UBE2R2: variants seen among roughly 807,000 people sequenced by gnomAD.
UBE2R2 encodes ubiquitin-conjugating enzyme E2 R2.
Under a neutral mutation model 27.8 loss-of-function variants are expected in UBE2R2, and 1 was observed. The observed-to-expected ratio is 0.04, with a 90% CI of 0.01 to 0.17. UBE2R2 has a LOEUF of 0.17. Ranked by LOEUF, UBE2R2 falls within the 10% of genes least tolerant of loss-of-function variation. The pLI is 1.00. For missense variants in UBE2R2, 100 were observed against 291.0 expected, an observed-to-expected ratio of 0.34 and a Z score of 4.78; for synonymous variants, 106 against 113.3, an observed-to-expected ratio of 0.94 and a Z score of 0.41.
At chr9:33,912,564 C>T (rs1466501659) in intron 4 of UBE2R2, among the ~76,000 whole-genome samples, 1 of 150,810 alleles carries the variant, frequency 6.6e-6, no homozygotes, top group African/African-American at 2.4e-5. Context: ...TTGAATGTTG[C>T]AGTGAGCTGA....
chr9:33,893,390 C>T (rs181093371), intron 2 of UBE2R2, among the ~76,000 whole-genome samples: 2 of 152,128 alleles, frequency 1.3e-5, no homozygotes, highest in African/African-American at 4.8e-5. Flanking sequence ...TAGTATGTAT[C>T]AGTACTTCAT....
chr9:33,857,751 T>A (rs1047890242), intron 1 of UBE2R2, among the ~76,000 whole-genome samples: 8 of 152,356 alleles, frequency 5.3e-5, no homozygotes, highest in African/African-American at 1.9e-4. Context: ...CTGATTAGAC[T>A]GGCATGGTTA....
chr9:33,886,955 C>A lies in UBE2R2; in HGVS notation c.252C>A (p.Pro84=). The A allele has an allele frequency of 6.3e-7, 1 of 1,599,410 alleles. No individual in the cohort carries two copies. Among genetic ancestry groups the A allele is most frequent in the Non-Finnish European group, 8.5e-7 (1 of 1,176,396 alleles). The part of the protein sequence containing the change: ...TFRFLTKMWH[P]NIYENGDVCI... ...GATTCTTGACCAAAATGTGGCACCC[C>A]AACATTTATGAGGTAAGGAGACATC... Residue 84 remains proline (P), a synonymous_variant, in exon 2 of 5, where the codon CCC becomes CCA. Transcript: ENST00000263228.
intron 1 of UBE2R2, among the ~76,000 whole-genome samples, chr9:33,854,093 C>T (rs1163729264): frequency 2.0e-5 from 3 of 152,098 alleles, no homozygotes; most frequent in African/African-American, 7.2e-5. Flanking sequence ...TTCTTTTTAA[C>T]ACGAGTCACT....
chr9:33,887,801 C>T lies in UBE2R2; in HGVS notation c.264+834C>T, dbSNP rs574794067. 6.6e-5 allele frequency among the ~76,000 whole-genome samples: 10 copies of T among 152,226 alleles called. No homozygotes were observed. In the South Asian group the frequency reaches 1.2e-3, roughly 19 times the overall value. Reference sequence around the variant, plus strand: ...AAGCAGTTCTCCTGCTTCAGCCTTCCGAGTAGCTGGGATTACAGGCATGCG... The same window carrying T: ...AAGCAGTTCTCCTGCTTCAGCCTTCTGAGTAGCTGGGATTACAGGCATGCG... On this transcript the variant is annotated intron_variant, in intron 2 of 4. Coordinates refer to ENST00000263228, the MANE Select transcript of UBE2R2 (RefSeq NM_017811.4).
At chr9:33,833,663 T>C (rs534276327) in intron 1 of UBE2R2, among the ~76,000 whole-genome samples, 1 of 152,358 alleles carries the variant, frequency 6.6e-6, no homozygotes, top group Admixed American at 6.5e-5. Flanking sequence ...ATTACCATTT[T>C]AACCATTTTT....
intron 1 of UBE2R2, among the ~76,000 whole-genome samples, chr9:33,822,079 G>C (rs918420437): frequency 2.8e-4 from 41 of 147,172 alleles, no homozygotes; most frequent in African/African-American, 1.1e-3. Flanking sequence ...ACTCAACACT[G>C]ACATATATAT....
chr9:33,859,450 A>G (rs1256053590), intron 1 of UBE2R2, among the ~76,000 whole-genome samples: 1 of 152,186 alleles, frequency 6.6e-6, no homozygotes, highest in Non-Finnish European at 1.5e-5. Flanking sequence ...CTGTTTTAAC[A>G]TAGTAGGTCA....
intron 1 of UBE2R2, among the ~76,000 whole-genome samples, chr9:33,877,869 C>CTCTCCCGCT (rs1554675215): frequency 6.6e-6 from 1 of 151,272 alleles, no homozygotes; most frequent in African/African-American, 2.4e-5. Flanking sequence ...CTCCGTCTTT[C>CTCTCCCGCT]CTCAGCCTCC....
chr9:33,849,450 A>C (rs892161790), intron 1 of UBE2R2, among the ~76,000 whole-genome samples: 1 of 152,128 alleles, frequency 6.6e-6, no homozygotes, highest in African/African-American at 2.4e-5. Flanking sequence ...AGTAATATCA[A>C]ACAACCATTA....
At chr9:33,846,280 C>T (rs531628714) in intron 1 of UBE2R2, among the ~76,000 whole-genome samples, 5 of 152,206 alleles carry the variant, frequency 3.3e-5, no homozygotes, top group Non-Finnish European at 5.9e-5. Flanking sequence ...TAGGTAACAG[C>T]GAAACTCCAT....
chr9:33,850,386 G>A (rs896493823), intron 1 of UBE2R2, among the ~76,000 whole-genome samples: 2 of 152,102 alleles, frequency 1.3e-5, no homozygotes, highest in African/African-American at 2.4e-5. Context: ...GAGACTGGGC[G>A]TGAGGCTGCC....
intron 1 of UBE2R2, among the ~76,000 whole-genome samples, chr9:33,876,865 G>C (rs1456177663): frequency 6.6e-6 from 1 of 151,932 alleles, no homozygotes; most frequent in African/African-American, 2.4e-5. Flanking sequence ...GCAGTGAGCC[G>C]AGATCGTGCC....
chr9:33,863,018 C>A (rs1821276339), intron 1 of UBE2R2, among the ~76,000 whole-genome samples: 1 of 151,908 alleles, frequency 6.6e-6, no homozygotes, highest in African/African-American at 2.4e-5. Context: ...GAAACCACAT[C>A]TCTACTAAAA....
At chr9:33,834,338 A>G (rs545140323) in intron 1 of UBE2R2, among the ~76,000 whole-genome samples, 1 of 151,508 alleles carries the variant, frequency 6.6e-6, no homozygotes, top group East Asian at 2.0e-4. Flanking sequence ...GTAGCTGTAG[A>G]GTAGCTGGAA....
chr9:33,842,886 T>C (rs370274908), intron 1 of UBE2R2, among the ~76,000 whole-genome samples: 20 of 151,930 alleles, frequency 1.3e-4, no homozygotes, highest in African/African-American at 4.8e-4. Flanking sequence ...TCAGGAAATA[T>C]ATTCTAGCCA....
chr9:33,822,731 T>A (rs1262803560), intron 1 of UBE2R2, among the ~76,000 whole-genome samples: 1 of 127,242 alleles, frequency 7.9e-6, no homozygotes, highest in Non-Finnish European at 1.9e-5. Flanking sequence ...AGCCAAATAA[T>A]TTTTTTTTTA....
chr9:33,861,583 C>A (rs929604329), intron 1 of UBE2R2, among the ~76,000 whole-genome samples: 3 of 151,262 alleles, frequency 2.0e-5, no homozygotes, highest in Non-Finnish European at 2.9e-5. Flanking sequence ...CAGAGTGAGA[C>A]CCTGTCTCAA....
At chr9:33,828,157 C>G (rs1488078156) in intron 1 of UBE2R2, among the ~76,000 whole-genome samples, 1 of 151,372 alleles carries the variant, frequency 6.6e-6, no homozygotes, top group Non-Finnish European at 1.5e-5. Flanking sequence ...ACAAAATTAG[C>G]TGGTTGTGGT....
Sources: gnomAD v4.1 joint callset for allele counts (sites outside exome capture counted in the v4.1 genomes callset) on GRCh38, gnomAD v4.1.1 for gene constraint, MANE v1.5 for transcripts, NCBI Gene and HGNC (gene_info 2026-07-23, HGNC 2026-07-21) for gene names.